Variants in AMMECR1 observed in about 807,000 individuals in gnomAD.
AMMECR1 encodes the protein nuclear protein AMMECR1.
AMMECR1 carries 3 observed loss-of-function variants against 22.5 expected under a neutral mutation model. The ratio of observed to expected loss-of-function variants is 0.13; its 90% CI spans 0.06 to 0.35. The LOEUF is 0.35. AMMECR1 is among the 10% of genes least tolerant of loss of function. AMMECR1 has a pLI of 1.00. For synonymous variants in AMMECR1, 130 were observed against 116.7 expected, an observed-to-expected ratio of 1.11 and a Z score of -0.74; for missense variants, 235 against 278.7, an observed-to-expected ratio of 0.84 and a Z score of 1.12.
At chrX:110,219,298 T>G in intron 2 of AMMECR1, 1 of 685,148 alleles carries the variant, frequency 1.5e-6, no homozygotes, top group Non-Finnish European at 1.7e-6. Context: ...TCCACACCAA[T>G]ATTTGTTGTT....
chrX:110,408,538 C>G (rs186841372), intron 2 of AMMECR1, among the ~76,000 whole-genome samples: 1 of 112,166 alleles, frequency 8.9e-6, no homozygotes, highest in Non-Finnish European at 1.9e-5. Context: ...ATGTTTTATA[C>G]CTAAGCATAA....
chrX:110,344,314 C>T (rs2068178575), intron 2 of AMMECR1, among the ~76,000 whole-genome samples: 1 of 112,201 alleles, frequency 8.9e-6, no homozygotes. Flanking sequence ...AAATTGGATC[C>T]TTTCCTTACA....
intron 2 of AMMECR1, among the ~76,000 whole-genome samples, chrX:110,370,882 C>T (rs749119173): frequency 6.2e-5 from 7 of 112,014 alleles, no homozygotes; most frequent in African/African-American, 3.2e-5. Context: ...ATTTGGACCT[C>T]GTACAGTTTG....
At chrX:110,227,466 G>A (rs770189122) in intron 2 of AMMECR1, among the ~76,000 whole-genome samples, 6 of 112,333 alleles carry the variant, frequency 5.3e-5, no homozygotes, top group Admixed American at 9.4e-5. Flanking sequence ...TATCAAGTCC[G>A]TCATACTGAG....
At chrX:110,369,334 T>TAAAAGAAA (rs974304819) in intron 2 of AMMECR1, among the ~76,000 whole-genome samples, 1 of 110,216 alleles carries the variant, frequency 9.1e-6, no homozygotes, top group Non-Finnish European at 1.9e-5. Flanking sequence ...TCTGTCTCAG[T>TAAAAGAAA]AAAAGAAAAA....
intron 2 of AMMECR1, 148 bp downstream of exon 2, chrX:110,264,341 G>T: frequency 2.6e-6 from 1 of 383,753 alleles, no homozygotes; most frequent in East Asian, 4.1e-5. Context: ...CCAGAGAAAA[G>T]GTAAATGGTT....
At chrX:110,424,045 T>C (rs2068737417) in intron 2 of AMMECR1, among the ~76,000 whole-genome samples, 1 of 111,964 alleles carries the variant, frequency 8.9e-6, no homozygotes, top group Non-Finnish European at 1.9e-5. Context: ...TTATATACCA[T>C]ATCTTATTTC....
At chrX:110,397,232 ACT>A in intron 2 of AMMECR1, among the ~76,000 whole-genome samples, 1 of 109,156 alleles carries the variant, frequency 9.2e-6, no homozygotes, top group African/African-American at 3.4e-5. Context: ...GACCTCTTCC[ACT>A]CCCCTGATAT....
chrX:110,420,703 G>T (rs2068711162), intron 2 of AMMECR1, among the ~76,000 whole-genome samples: 1 of 112,135 alleles, frequency 8.9e-6, no homozygotes, highest in African/African-American at 3.2e-5. Flanking sequence ...CCACAAACCG[G>T]CTGGTTTTTT....
intron 1 of AMMECR1, among the ~76,000 whole-genome samples, chrX:110,428,324 CTGTT>C (rs1421814571): frequency 1.8e-5 from 2 of 111,989 alleles, no homozygotes; most frequent in Non-Finnish European, 3.8e-5. Context: ...CTGCCATAGT[CTGTT>C]TACTTATCTG....
intron 2 of AMMECR1, among the ~76,000 whole-genome samples, chrX:110,403,739 G>A (rs1436309082): frequency 8.9e-6 from 1 of 112,114 alleles, no homozygotes; most frequent in Admixed American, 9.4e-5. Context: ...CTGACATGAG[G>A]TTATTTATAG....
chrX:110,205,568 C>G (rs760382924), intron 3 of AMMECR1, among the ~76,000 whole-genome samples: 4 of 111,419 alleles, frequency 3.6e-5, no homozygotes, highest in Non-Finnish European at 7.5e-5. Context: ...GATGAGGGGG[C>G]AGCATGTGGG....
chrX:110,382,318 T>C (rs2068425705), intron 2 of AMMECR1, among the ~76,000 whole-genome samples: 1 of 108,294 alleles, frequency 9.2e-6, no homozygotes, highest in African/African-American at 3.5e-5. Context: ...AACGTTCCAA[T>C]TGTACAGGAA....
upstream of AMMECR1, among the ~76,000 whole-genome samples, chrX:110,318,667 G>T: frequency 9.0e-6 from 1 of 111,184 alleles, no homozygotes; most frequent in Non-Finnish European, 1.9e-5. Context: ...GCGAGCAGGT[G>T]CCCAGAGCTC....
chrX:110,321,742 T>C (rs1602896262), upstream of AMMECR1, among the ~76,000 whole-genome samples: 1 of 111,502 alleles, frequency 9.0e-6, no homozygotes. Flanking sequence ...ACATATTTCA[T>C]TGAAAAAAAA....
At chrX:110,342,995 G>T (rs1459682375) in intron 2 of AMMECR1, among the ~76,000 whole-genome samples, 1 of 111,189 alleles carries the variant, frequency 9.0e-6, no homozygotes, top group African/African-American at 3.3e-5. Context: ...CGTTTTATGA[G>T]GCCAGAATCA....
chrX:110,419,978 T>C (rs1304517241), intron 2 of AMMECR1, among the ~76,000 whole-genome samples: 1 of 111,854 alleles, frequency 8.9e-6, no homozygotes, highest in African/African-American at 3.3e-5. Flanking sequence ...ATTTAACAGA[T>C]GAAGGAATTG....
chrX:110,431,954 G>T (rs1221828659), intron 1 of AMMECR1, among the ~76,000 whole-genome samples: 2 of 112,069 alleles, frequency 1.8e-5, no homozygotes, highest in Non-Finnish European at 3.8e-5. Flanking sequence ...CAGAGGAAAG[G>T]GCTCATGGAG....
intron 2 of AMMECR1, among the ~76,000 whole-genome samples, chrX:110,220,839 T>C (rs1161167735): frequency 8.9e-6 from 1 of 112,012 alleles, no homozygotes; most frequent in African/African-American, 3.2e-5. Flanking sequence ...AGAAAAGATA[T>C]TAAGAGTTTA....
Sources: allele counts gnomAD v4.1 joint callset (sites outside exome capture counted in the v4.1 genomes callset), GRCh38; gene constraint gnomAD v4.1.1; transcripts MANE v1.5; gene names NCBI Gene and HGNC (gene_info 2026-07-23, HGNC 2026-07-21).